The following GRIA3 variants were observed in gnomAD, a reference collection of about 807,000 sequenced individuals.
GRIA3 encodes glutamate ionotropic receptor AMPA type subunit 3.
GRIA3 carries 3 observed loss-of-function variants against 63.0 expected under a neutral mutation model. The ratio of observed to expected loss-of-function variants is 0.05; its 90% CI spans 0.02 to 0.12. The LOEUF (loss-of-function observed/expected upper bound fraction) is 0.12. GRIA3 is among the 10% of genes least tolerant of loss of function. The pLI is 1.00. For synonymous variants in GRIA3, 274 were observed against 257.9 expected (o/e 1.06, Z -0.60); for missense variants, 347 against 700.9 (o/e 0.50, Z 5.70).
intron 3 of GRIA3, among the ~76,000 whole-genome samples, chrX:123,256,792 A>G (rs2044422358): frequency 9.0e-6 from 1 of 111,104 alleles, no homozygotes; most frequent in African/African-American, 3.3e-5. Context: ...TGCAAGTAAA[A>G]AAGAAGGGAA....
chrX:123,404,312 C>T (rs2045459674), intron 9 of GRIA3, among the ~76,000 whole-genome samples: 1 of 110,645 alleles, frequency 9.0e-6, no homozygotes, highest in Admixed American at 9.7e-5. Flanking sequence ...GATCACAATG[C>T]TTCCCCAGGG....
chrX:123,424,412 C>T (rs766333843), intron 11 of GRIA3, among the ~76,000 whole-genome samples: 23 of 111,554 alleles, frequency 2.1e-4, no homozygotes, highest in African/African-American at 5.9e-4. Context: ...AGGATTGAGG[C>T]GCTTATGCTA....
chrX:123,371,268 T>C (rs2045246037), intron 5 of GRIA3, among the ~76,000 whole-genome samples: 1 of 110,452 alleles, frequency 9.1e-6, no homozygotes, highest in Non-Finnish European at 1.9e-5. Context: ...TCACATTTTC[T>C]TTATCCATTC....
At chrX:123,353,543 A>G (rs1234750120) in intron 4 of GRIA3, among the ~76,000 whole-genome samples, 5 of 111,566 alleles carry the variant, frequency 4.5e-5, no homozygotes, top group Admixed American at 9.6e-5. Flanking sequence ...TATTATTACA[A>G]TCTTTCATGT....
At chrX:123,468,189 G>A (rs1453064119) in intron 13 of GRIA3, among the ~76,000 whole-genome samples, 1 of 110,989 alleles carries the variant, frequency 9.0e-6, no homozygotes, top group Non-Finnish European at 1.9e-5. Context: ...GCTTGCCTTT[G>A]TCTTCTTCCT....
intron 12 of GRIA3, among the ~76,000 whole-genome samples, chrX:123,428,452 A>G (rs1366960789): frequency 9.0e-6 from 1 of 111,640 alleles, no homozygotes; most frequent in Non-Finnish European, 1.9e-5. Context: ...CAGTCCCCTC[A>G]CTTGAATAAT....
At chrX:123,261,414 AG>A (rs2147288656) in intron 3 of GRIA3, among the ~76,000 whole-genome samples, 1 of 111,940 alleles carries the variant, frequency 8.9e-6, no homozygotes, top group East Asian at 2.8e-4. Flanking sequence ...TTTCCTATAA[AG>A]GTATTTTCCA....
intron 2 of GRIA3, among the ~76,000 whole-genome samples, chrX:123,234,006 A>G (rs1403532279): frequency 8.9e-5 from 10 of 111,836 alleles, no homozygotes; most frequent in Admixed American, 2.8e-4. Flanking sequence ...TATGGCCTCA[A>G]AACATTGTTC....
chrX:123,291,980 T>G (rs2044658692), intron 3 of GRIA3, among the ~76,000 whole-genome samples: 1 of 111,357 alleles, frequency 9.0e-6, no homozygotes, highest in South Asian at 3.8e-4. Flanking sequence ...GACTTTTGCC[T>G]CAGGCTAACC....
At chrX:123,379,321 A>T (rs2045306259) in intron 5 of GRIA3, among the ~76,000 whole-genome samples, 1 of 111,762 alleles carries the variant, frequency 8.9e-6, no homozygotes, top group South Asian at 3.8e-4. Context: ...TATAAACACC[A>T]TGAGGGTTTT....
intron 4 of GRIA3, among the ~76,000 whole-genome samples, chrX:123,338,113 A>T (rs1342925038): frequency 1.8e-5 from 2 of 111,753 alleles, no homozygotes; most frequent in South Asian, 3.8e-4. Context: ...CAACAGAGCC[A>T]TTAGCTCTTC....
intron 2 of GRIA3, among the ~76,000 whole-genome samples, chrX:123,214,348 A>T (rs1287241626): frequency 1.8e-5 from 2 of 111,854 alleles, no homozygotes; most frequent in Non-Finnish European, 3.8e-5. Flanking sequence ...AGGACATAGG[A>T]TCTGCAACAC....
chrX:123,387,881 T>G (rs1233018777), intron 5 of GRIA3, among the ~76,000 whole-genome samples: 1 of 112,086 alleles, frequency 8.9e-6, no homozygotes, highest in Non-Finnish European at 1.9e-5. Flanking sequence ...GATATTTGCC[T>G]GTAGTTTTTT....
chrX:123,210,148 A>G (rs1199438770), intron 2 of GRIA3, among the ~76,000 whole-genome samples: 2 of 85,781 alleles, frequency 2.3e-5, no homozygotes, highest in Non-Finnish European at 4.4e-5. Flanking sequence ...GCTCCATATT[A>G]AAAAAAAAAA....
chrX:123,311,098 A>G (rs1425401000), intron 3 of GRIA3, among the ~76,000 whole-genome samples: 1 of 111,573 alleles, frequency 9.0e-6, no homozygotes, highest in Non-Finnish European at 1.9e-5. Flanking sequence ...ATAGAATATC[A>G]TTTTACAGAT....
chrX:123,354,173 A>G (rs1213900274), intron 4 of GRIA3, among the ~76,000 whole-genome samples: 1 of 111,302 alleles, frequency 9.0e-6, no homozygotes, highest in Non-Finnish European at 1.9e-5. Flanking sequence ...TGGGCCTGAG[A>G]ATTCTTTATG....
intron 3 of GRIA3, among the ~76,000 whole-genome samples, chrX:123,292,656 C>A (rs2044663226): frequency 9.0e-6 from 1 of 111,365 alleles, no homozygotes; most frequent in Non-Finnish European, 1.9e-5. Context: ...TGAGGCCAAC[C>A]AGAAAATCCC....
Position 123,395,119 on chromosome X carries a change from C to A in GRIA3, c.902C>A (p.Ala301Glu). 1 of 1,206,590 alleles carries A rather than the reference C, an allele frequency of 8.3e-7. No homozygotes were observed. Among genetic ancestry groups the A allele is most frequent in the Non-Finnish European group, 1.1e-6 (1 of 890,947 alleles). ...DEREFPEAKNAPLKYTSALTH... is the reference protein window; with the variant it reads ...DEREFPEAKNEPLKYTSALTH... ...AGGGAATTCCCTGAAGCCAAGAATGCACCACTAAAGGTAATGTTCCATGGC... is the reference window on the plus strand; with the variant it reads ...AGGGAATTCCCTGAAGCCAAGAATGAACCACTAAAGGTAATGTTCCATGGC... The change falls in exon 6 of 16, where the codon GCA becomes GAA. Residue 301 changes from alanine to glutamate, a missense_variant. Around this residue, in one of 8 missense-constraint regions of GRIA3, gnomAD observed 65 missense variants for 145.8 expected, o/e 0.45. Transcript: ENST00000620443.
At chrX:123,226,161 A>C (rs2044245552) in intron 2 of GRIA3, among the ~76,000 whole-genome samples, 1 of 111,546 alleles carries the variant, frequency 9.0e-6, no homozygotes, top group Non-Finnish European at 1.9e-5. Flanking sequence ...CAGACATTTG[A>C]AGTGTTATCA....
Sources: gnomAD v4.1 joint callset for allele counts (sites outside exome capture counted in the v4.1 genomes callset) on GRCh38, gnomAD v4.1.1 for gene constraint, gnomAD v4.1.1 regional missense constraint, MANE v1.5 for transcripts, NCBI Gene and HGNC (gene_info 2026-07-23, HGNC 2026-07-21) for gene names.